Variants in CDH13 observed in about 807,000 individuals in gnomAD.
The protein encoded by CDH13 is cadherin-13.
Under a neutral mutation model 63.8 loss-of-function variants are expected in CDH13, and 24 were observed. The ratio of observed to expected loss-of-function variants is 0.38; its 90% CI spans 0.27 to 0.53. The LOEUF is 0.53. CDH13 is among the 20% of genes least tolerant of loss of function. The probability of loss-of-function intolerance (pLI) is 0.85; values close to 1 mark genes in which losing one functional copy is unlikely to be tolerated. For synonymous variants in CDH13, 503 were observed against 355.3 expected (o/e 1.42, Z -4.67); for missense variants, 1,049 against 903.1 (o/e 1.16, Z -2.07).
intron 8 of CDH13, among the ~76,000 whole-genome samples, chr16:83,658,115 G>C (rs372268253): frequency 0.013 from 408 of 32,296 alleles, no homozygotes; most frequent in East Asian, 0.017. Context: ...ACCACCAGGT[G>C]CCATATCCTC....
intron 11 of CDH13, among the ~76,000 whole-genome samples, chr16:83,774,995 A>T (rs1915009049): frequency 6.6e-6 from 1 of 151,960 alleles, no homozygotes; most frequent in Non-Finnish European, 1.5e-5. Flanking sequence ...GGAAGCTGTA[A>T]ATAGTAATAA....
At chr16:83,590,039 A>C (rs193253531) in intron 7 of CDH13, among the ~76,000 whole-genome samples, 1 of 152,234 alleles carries the variant, frequency 6.6e-6, no homozygotes, top group Non-Finnish European at 1.5e-5. Flanking sequence ...TATGAATTAC[A>C]AATAGCTCAG....
In CDH13 at chr16:83,285,113, C is replaced by T. The variant is rs993687083; in HGVS notation, c.637-59749C>T. 3.7e-4 allele frequency among the ~76,000 whole-genome samples: 56 copies of T among 152,212 alleles called. 1 individual carries two copies. The highest frequency in any genetic ancestry group is 1.3e-3 in the African/African-American group (56 of 41,528). On this transcript the variant is annotated intron_variant, in intron 5 of 13. Coordinates refer to ENST00000567109, the MANE Select transcript of CDH13 (RefSeq NM_001257.5). The stretch of plus-strand genomic sequence containing the variant: ...AACGGCTTTTTAACCTTCAGAAGTA[C>T]ATTTTGTCTGGAGGACCAGAGTATC...
chr16:82,651,846 G>A (rs1448088390), intron 1 of CDH13, among the ~76,000 whole-genome samples: 1 of 152,224 alleles, frequency 6.6e-6, no homozygotes, highest in Non-Finnish European at 1.5e-5. Flanking sequence ...TGTGGTCTTG[G>A]ACCTTGGGAT....
chr16:83,782,647 A>G (rs913899636), intron 12 of CDH13, among the ~76,000 whole-genome samples: 2 of 151,844 alleles, frequency 1.3e-5, no homozygotes, highest in Admixed American at 6.6e-5. Flanking sequence ...AAGGCAGGAG[A>G]ATCATTTGAA....
chr16:83,052,776 C>CAAAAAAA lies in CDH13; in HGVS notation c.366+20580_366+20586dup, dbSNP rs71148805. Among the ~76,000 whole-genome samples, 42 of 92,910 alleles carry CAAAAAAA rather than the reference C, an allele frequency of 4.5e-4. 3 individuals are homozygous for CAAAAAAA. The highest frequency in any genetic ancestry group is 6.8e-4 in the Admixed American group (6 of 8,870). The allele number at this position is 92,910 out of a possible 152,430, so 61.0% of individuals were successfully genotyped here. On this transcript the variant is annotated intron_variant, in intron 3 of 13. Coordinates refer to ENST00000567109, the MANE Select transcript of CDH13 (RefSeq NM_001257.5). ...TGGGTGACAGGGCGAGACTTTATCT[C>CAAAAAAA]AAAAAAAAAAAAAAAAAAAAAAAAA... is the stretch of plus-strand genomic sequence containing the variant.
intron 7 of CDH13, among the ~76,000 whole-genome samples, chr16:83,588,011 C>T (rs936991379): frequency 2.6e-5 from 4 of 151,502 alleles, no homozygotes; most frequent in African/African-American, 4.9e-5. Context: ...AGTTGTCATA[C>T]CATAACATCC....
At chr16:82,786,473 C>A (rs970931704) in intron 1 of CDH13, among the ~76,000 whole-genome samples, 3 of 134,662 alleles carry the variant, frequency 2.2e-5, no homozygotes, top group Non-Finnish European at 4.7e-5. Context: ...CTCATCTATG[C>A]CTTTTTGGTT....
intron 5 of CDH13, among the ~76,000 whole-genome samples, chr16:83,220,906 G>A (rs2039680734): frequency 6.6e-6 from 1 of 152,198 alleles, no homozygotes; most frequent in South Asian, 2.1e-4. Context: ...TGAAGCTCCT[G>A]TTTATTGAAC....
At chr16:82,909,036 C>T (rs778089762) in intron 2 of CDH13, among the ~76,000 whole-genome samples, 1 of 152,142 alleles carries the variant, frequency 6.6e-6, no homozygotes, top group Non-Finnish European at 1.5e-5. Flanking sequence ...CAATCTTCTC[C>T]ATATACAGAG....
intron 4 of CDH13, among the ~76,000 whole-genome samples, chr16:83,184,741 C>A (rs1005865175): frequency 6.6e-6 from 1 of 152,034 alleles, no homozygotes; most frequent in Non-Finnish European, 1.5e-5. Flanking sequence ...AGCAACAGAG[C>A]GAGACTCCAT....
chr16:83,375,960 G>C (rs926367786), intron 6 of CDH13, among the ~76,000 whole-genome samples: 20 of 152,134 alleles, frequency 1.3e-4, no homozygotes, highest in African/African-American at 4.6e-4. Flanking sequence ...ATTAGGGTGA[G>C]TTTAAGCAGG....
intron 10 of CDH13, among the ~76,000 whole-genome samples, chr16:83,702,429 C>T (rs1292293480): frequency 6.6e-6 from 1 of 152,114 alleles, no homozygotes; most frequent in Admixed American, 6.5e-5. Context: ...ATGAGGCTGC[C>T]TCTTCAAGGT....
At position 83,602,479 on chromosome 16, in the gene CDH13, T is replaced by G; in HGVS notation, c.986T>G (p.Leu329Arg). 6.2e-7 allele frequency: 1 copy of G among 1,613,974 alleles called. No homozygotes were observed. The highest frequency in any genetic ancestry group is 8.5e-7 in the Non-Finnish European group (1 of 1,179,826). ...RETLENPKYELIIEAQDMAGL... is the reference protein window; with the variant it reads ...RETLENPKYERIIEAQDMAGL... Reference sequence around the variant, plus strand: ...ACTCTGGAAAATCCCAAGTATGAACTGATCATCGAGGCTCAAGATATGGCT... The same window carrying G: ...ACTCTGGAAAATCCCAAGTATGAACGGATCATCGAGGCTCAAGATATGGCT... The change falls in exon 8 of 14, where the codon CTG becomes CGG. Residue 329 changes from leucine to arginine, a missense_variant. Transcript: ENST00000567109.
chr16:83,617,589 A>T (rs1180965140), intron 8 of CDH13, among the ~76,000 whole-genome samples: 1 of 151,374 alleles, frequency 6.6e-6, no homozygotes. Context: ...TCTAATATAT[A>T]TCTATTCTAA....
At chr16:83,701,693 A>G (rs906140578) in intron 10 of CDH13, among the ~76,000 whole-genome samples, 3 of 152,084 alleles carry the variant, frequency 2.0e-5, no homozygotes, top group African/African-American at 7.2e-5. Context: ...CTTCTTCCTC[A>G]GGACGTTACT....
chr16:83,094,783 C>T (rs988543375), intron 3 of CDH13, among the ~76,000 whole-genome samples: 1 of 152,168 alleles, frequency 6.6e-6, no homozygotes, highest in Non-Finnish European at 1.5e-5. Flanking sequence ...TGGTGACTTC[C>T]TTCTGACTTG....
At chr16:83,678,662 C>T (rs1483171360) in intron 10 of CDH13, among the ~76,000 whole-genome samples, 1 of 152,148 alleles carries the variant, frequency 6.6e-6, no homozygotes, top group African/African-American at 2.4e-5. Flanking sequence ...GGATGCTGCT[C>T]CCACCTGATT....
chr16:83,415,264 A>G (rs1480486972), intron 6 of CDH13, among the ~76,000 whole-genome samples: 1 of 152,164 alleles, frequency 6.6e-6, no homozygotes, highest in Non-Finnish European at 1.5e-5. Flanking sequence ...CCCATAACTC[A>G]TAGGGAGATT....
Sources: allele counts gnomAD v4.1 joint callset (sites outside exome capture counted in the v4.1 genomes callset), GRCh38; gene constraint gnomAD v4.1.1; transcripts MANE v1.5; gene names NCBI Gene and HGNC (gene_info 2026-07-23, HGNC 2026-07-21).